The following SIGLEC1 variants were observed in gnomAD, a reference collection of about 807,000 sequenced individuals.
SIGLEC1 encodes sialoadhesin.
A neutral mutation model predicts 148.0 loss-of-function variants in SIGLEC1; 132 were observed. That is an observed-to-expected ratio of 0.89 (90% confidence interval 0.77 to 1.03). The LOEUF is 1.03. SIGLEC1 is among the 50% of genes least tolerant of loss of function. The probability of loss-of-function intolerance (pLI) is 0.00; values close to 1 mark genes in which losing one functional copy is unlikely to be tolerated. For synonymous variants in SIGLEC1, 945 were observed against 969.0 expected (o/e 0.98, Z 0.46); for missense variants, 2,253 against 2,271.4 (o/e 0.99, Z 0.16).
At position 3,693,542 on chromosome 20, in the gene SIGLEC1, T is replaced by C. The variant is rs373853451; in HGVS notation, c.3413A>G (p.Asn1138Ser). The change falls in exon 14 of 22, where the codon AAC (asparagine) becomes AGC (serine). Residue 1138 changes from asparagine (N) to serine (S), a missense_variant. Coordinates refer to ENST00000344754, the MANE Select transcript of SIGLEC1 (RefSeq NM_023068.4). The stretch of plus-strand genomic sequence containing the variant: ...GGAGGTGGCATCCCTGACTGTGACG[T>C]TGGGCAGGGGGATGGAGTGGGCATC... ...RLDAHSIPLP[N>S]VTVRDATSYR... 7.4e-6 allele frequency: 12 copies of C among 1,612,402 alleles called. No individual in the cohort carries two copies. Among genetic ancestry groups the C allele is most frequent in the African/African-American group, 1.3e-5 (1 of 75,042 alleles).
intron 6 of SIGLEC1, among the ~76,000 whole-genome samples, chr20:3,702,894 G>A (rs1179136710): frequency 6.6e-6 from 1 of 152,142 alleles, no homozygotes; most frequent in Non-Finnish European, 1.5e-5. Flanking sequence ...TGTGTAGACA[G>A]CGAGAAAGAT....
chr20:3,693,491 C>G lies in SIGLEC1; in HGVS notation c.3464G>C (p.Gly1155Ala). The change falls in exon 14 of 22, where the codon GGT (glycine) becomes GCT (alanine). Residue 1155 changes from glycine (G) to alanine (A), a missense_variant. Physicochemically the swap from Gly to Ala is moderately conservative, Grantham distance 60 (BLOSUM62 0). Coordinates refer to ENST00000344754, the MANE Select transcript of SIGLEC1 (RefSeq NM_023068.4). Reference protein sequence around the residue: ...TSYRCGVGPPGRAPRLSRPIT... With the variant: ...TSYRCGVGPPARAPRLSRPIT... ...AGGTCTGGAGAGGCGGGGTGCCCGA[C>G]CAGGGGGGCCCACACCGCAGCGGTA... The G allele has an allele frequency of 2.5e-6, 4 of 1,604,926 alleles. No individual in the cohort carries two copies. The highest frequency in any genetic ancestry group is 3.4e-6 in the Non-Finnish European group (4 of 1,174,720).
Position 3,704,086 on chromosome 20 carries a change from G to A in SIGLEC1, c.712C>T (p.Pro238Ser), listed in dbSNP as rs1294675475. The change falls in exon 5 of 22, where the codon CCC (proline) becomes TCC (serine). Residue 238 changes from proline (P) to serine (S), a missense_variant. Transcript: ENST00000344754. Reference protein sequence around the residue: ...SEIHLQVKYAPKGVKILLSPS... With the variant: ...SEIHLQVKYASKGVKILLSPS... ...CTGAGGAGGATCTTCACACCCTTGG[G>A]GGCATCTGCAAGTCACAGTAGGGGG... The A allele has an allele frequency of 6.2e-7, 1 of 1,610,918 alleles. No homozygotes were observed. Among genetic ancestry groups the A allele is most frequent in the Non-Finnish European group, 8.5e-7 (1 of 1,178,722 alleles).
chr20:3,687,971 G>A lies in SIGLEC1; in HGVS notation c.*589C>T, dbSNP rs1003786224. ...TCCTTCTTCTGGCTGGAGGGCATGT[G>A]GACAAAGCGGGGCCATGGTGAGCCT... On this transcript the variant is annotated 3_prime_UTR_variant, in exon 22 of 22. Coordinates refer to ENST00000344754, the MANE Select transcript of SIGLEC1 (RefSeq NM_023068.4). 6.3e-6 allele frequency: 1 copy of A among 159,954 alleles called. No homozygotes were observed. Among genetic ancestry groups the A allele is most frequent in the African/African-American group, 2.4e-5 (1 of 41,466 alleles). 9.9% of individuals were successfully genotyped at this position (159,954 alleles called of 1,614,324 possible). A position where few individuals can be genotyped will look rare whatever the true frequency, so the allele number is the denominator to read the frequency against.
chr20:3,697,861 A>T lies in SIGLEC1; in HGVS notation c.2059T>A (p.Tyr687Asn). 6.2e-7 allele frequency: 1 copy of T among 1,613,132 alleles called. No homozygotes were observed. Among genetic ancestry groups the T allele is most frequent in the South Asian group, 1.1e-5 (1 of 91,082 alleles). Reference protein sequence around the residue: ...HNPLLEEEGLYLCEASNALGN... With the variant: ...HNPLLEEEGLNLCEASNALGN... ...AGGGCATTGCTGGCCTCACAGAGGTACAAGCCCTCCTCTTCCAGCAAAGGG... is the reference window on the plus strand; with the variant it reads ...AGGGCATTGCTGGCCTCACAGAGGTTCAAGCCCTCCTCTTCCAGCAAAGGG... The change falls in exon 9 of 22, where the codon TAC becomes AAC. Residue 687 changes from tyrosine (Y) to asparagine (N), a missense_variant. By Grantham distance (143) the Tyr-to-Asn change is moderately radical (BLOSUM62 -2). Coordinates refer to ENST00000344754, the MANE Select transcript of SIGLEC1 (RefSeq NM_023068.4).
chr20:3,695,726 C>T (rs567913501), intron 11 of SIGLEC1, among the ~76,000 whole-genome samples: 22 of 152,280 alleles, frequency 1.4e-4, no homozygotes, highest in South Asian at 4.1e-4. Context: ...TTGGTGCTGT[C>T]GGTCACCGTG....
In SIGLEC1 at chr20:3,701,365, G is replaced by A; in HGVS notation, c.1505C>T (p.Ser502Phe). 4 of 1,613,222 alleles carry A rather than the reference G, an allele frequency of 2.5e-6. No individual in the cohort carries two copies. Among genetic ancestry groups the A allele is most frequent in the Non-Finnish European group, 3.4e-6 (4 of 1,179,358 alleles). ...ACCATTGGCATGGAAGTCCAGGGTG[G>A]AGGTTGCATTTCCAAGGGAGTTGGT... The part of the protein sequence containing the change: ...SATNSLGNAT[S>F]TLDFHANAAR... The change falls in exon 7 of 22, where the codon TCC becomes TTC. Residue 502 changes from serine to phenylalanine, a missense_variant. Ser to Phe is a radical substitution (Grantham distance 155). Transcript: ENST00000344754.
intron 9 of SIGLEC1, among the ~76,000 whole-genome samples, chr20:3,697,543 A>G (rs2087813274): frequency 6.6e-6 from 1 of 152,132 alleles, no homozygotes; most frequent in South Asian, 2.1e-4. Flanking sequence ...GGGTTGCAGT[A>G]CAGGGAAGGA....
chr20:3,703,121 C>G (rs1460411842), intron 6 of SIGLEC1, 76 bp downstream of exon 6: 1 of 1,591,560 alleles, frequency 6.3e-7, no homozygotes, highest in Non-Finnish European at 8.6e-7. Flanking sequence ...TGCCCAGGAC[C>G]CCAACCCTTC....
rs2087874654 is a variant in SIGLEC1 at position 3,704,066 on chromosome 20, G to A, written c.732C>T (p.Leu244=). 1 of 1,612,964 alleles carries A rather than the reference G, an allele frequency of 6.2e-7. No individual in the cohort carries two copies. Among genetic ancestry groups the A allele is most frequent in the South Asian group, 1.1e-5 (1 of 91,022 alleles). Reference sequence around the variant, plus strand: ...GGATGTTCCTCCCCGAGGGGCTGAGGAGGATCTTCACACCCTTGGGGGCAT... The same window carrying A: ...GGATGTTCCTCCCCGAGGGGCTGAGAAGGATCTTCACACCCTTGGGGGCAT... The part of the protein sequence containing the change: ...VKYAPKGVKI[L]LSPSGRNILP... Residue 244 remains leucine, a synonymous_variant, in exon 5 of 22, where the codon CTC becomes CTT. Transcript: ENST00000344754.
chr20:3,688,390 C>A lies in SIGLEC1; in HGVS notation c.*170G>T. Reference sequence around the variant, plus strand: ...CCCTCCTGGGCAGACCTCTCACCACCCATTTTTGGGGGGGCAAGAGGCTTG... The same window carrying A: ...CCCTCCTGGGCAGACCTCTCACCACACATTTTTGGGGGGGCAAGAGGCTTG... On this transcript the variant is annotated 3_prime_UTR_variant, in exon 22 of 22. Transcript: ENST00000344754. 1.5e-6 allele frequency: 1 copy of A among 679,936 alleles called. No individual in the cohort carries two copies. 42.1% of individuals were successfully genotyped at this position (679,936 alleles called of 1,614,324 possible).
In SIGLEC1 at chr20:3,696,603, A is replaced by G. The variant is rs1307047744; in HGVS notation, c.2666T>C (p.Leu889Pro). The G allele has an allele frequency of 6.8e-6, 11 of 1,609,976 alleles. No homozygotes were observed. The highest frequency in any genetic ancestry group is 9.3e-6 in the Non-Finnish European group (11 of 1,177,406). Residue 889 changes from leucine (L) to proline (P), a missense_variant, in exon 11 of 22, where the codon CTC becomes CCC. Coordinates refer to ENST00000344754, the MANE Select transcript of SIGLEC1 (RefSeq NM_023068.4). ...TNVLGSSNTS[L>P]FFQVRGAWVQ... ...ACACTCACCTCGGACCTGGAAGAAG[A>G]GTGAGGTGTTGGATGATCCAAGAAC...
rs375088205 is a variant in SIGLEC1 at position 3,701,446 on chromosome 20, C to T, written c.1424G>A (p.Arg475His). 24 of 1,614,110 alleles carry T rather than the reference C, an allele frequency of 1.5e-5. No homozygotes were observed. The highest frequency in any genetic ancestry group is 5.3e-5 in the African/African-American group (4 of 75,046). ...FSGTSGPNSLRLEIRDLEETD... is the reference protein window; with the variant it reads ...FSGTSGPNSLHLEIRDLEETD... ...TTCCTCCAGGTCTCGGATCTCCAGG[C>T]GCAGGGAGTTGGGACCAGAGGTACC... is the stretch of plus-strand genomic sequence containing the variant. The change falls in exon 7 of 22, where the codon CGC (arginine) becomes CAC (histidine). Residue 475 changes from arginine (R) to histidine (H), a missense_variant. Physicochemically the swap from Arg to His is conservative, Grantham distance 29. Transcript: ENST00000344754.
chr20:3,700,799 C>T (rs1401057109), intron 7 of SIGLEC1, among the ~76,000 whole-genome samples: 1 of 150,120 alleles, frequency 6.7e-6, no homozygotes, highest in Non-Finnish European at 1.5e-5. Context: ...CTCCTGGGTT[C>T]AAGCGATTCT....
rs763965082 is a variant in SIGLEC1 at position 3,689,219 on chromosome 20, C to T, written c.5006G>A (p.Arg1669His). The T allele has an allele frequency of 1.7e-5, 27 of 1,614,014 alleles. No individual in the cohort carries two copies. The highest frequency in any genetic ancestry group is 6.6e-5 in the South Asian group (6 of 91,086). Reference protein sequence around the residue: ...LGACYTWRRRRVCKQSMGENS... With the variant: ...LGACYTWRRRHVCKQSMGENS... Reference sequence around the variant, plus strand: ...CTCGCCCATGCTCTGCTTACAAACACGCCTCCTTCTGCAAGGCCCGGAGTG... The same window carrying T: ...CTCGCCCATGCTCTGCTTACAAACATGCCTCCTTCTGCAAGGCCCGGAGTG... The change falls in exon 21 of 22, where the codon CGT (arginine) becomes CAT (histidine). Residue 1669 changes from arginine (R) to histidine (H), a missense_variant. By Grantham distance (29) the Arg-to-His change is conservative. Transcript: ENST00000344754.
At chr20:3,690,317 C>A in intron 18 of SIGLEC1, 53 bp from the exon 19 acceptor site, 1 of 1,417,310 alleles carries the variant, frequency 7.1e-7, no homozygotes, top group African/African-American at 1.4e-5. Flanking sequence ...CAAATTTCTC[C>A]CTCCCTGTAC....
intron 6 of SIGLEC1, among the ~76,000 whole-genome samples, chr20:3,702,110 T>G (rs2087856870): frequency 6.6e-6 from 1 of 151,974 alleles, no homozygotes; most frequent in Non-Finnish European, 1.5e-5. Flanking sequence ...TCTGCAAGTT[T>G]CAATGTCAAG....
At chr20:3,700,421 A>G (rs1354779586) in intron 7 of SIGLEC1, among the ~76,000 whole-genome samples, 1 of 146,202 alleles carries the variant, frequency 6.8e-6, no homozygotes, top group Non-Finnish European at 1.5e-5. Context: ...CCTGGCCACA[A>G]TTTTTTTTTT....
At chr20:3,689,820 CA>C in intron 19 of SIGLEC1, 118 bp from the exon 20 acceptor site, 1 of 1,179,518 alleles carries the variant, frequency 8.5e-7, no homozygotes, top group Non-Finnish European at 1.2e-6. Flanking sequence ...AAGCTCTCCA[CA>C]CAAGGGTGCC....
Sources: allele counts gnomAD v4.1 joint callset (sites outside exome capture counted in the v4.1 genomes callset), GRCh38; gene constraint gnomAD v4.1.1; transcripts MANE v1.5; gene names NCBI Gene and HGNC (gene_info 2026-07-23, HGNC 2026-07-21).